BANK1: variants seen among roughly 807,000 people sequenced by gnomAD.
BANK1 encodes B cell scaffold protein with ankyrin repeats 1.
Under a neutral mutation model 94.5 loss-of-function variants are expected in BANK1, and 95 were observed. The observed-to-expected ratio is 1.00, with a 90% CI of 0.85 to 1.19. The LOEUF is 1.19. BANK1 is among the 50% of genes most tolerant of loss of function. The pLI, the probability that BANK1 is intolerant of heterozygous loss-of-function variation, is 0.00. For synonymous variants in BANK1, 334 were observed against 308.4 expected, an observed-to-expected ratio of 1.08 and a Z score of -0.87; for missense variants, 987 against 932.2, an observed-to-expected ratio of 1.06 and a Z score of -0.77.
At chr4:101,938,351 A>G (rs72686766) in intron 7 of BANK1, among the ~76,000 whole-genome samples, 7,209 of 151,796 alleles carry the variant, frequency 0.047, 228 homozygotes, top group Non-Finnish European at 0.072. Context: ...GTAAAAAGAT[A>G]TAGTTAAACA....
At chr4:101,833,050 G>A (rs1210877789) in intron 2 of BANK1, among the ~76,000 whole-genome samples, 1 of 151,930 alleles carries the variant, frequency 6.6e-6, no homozygotes, top group African/African-American at 2.4e-5. Flanking sequence ...CACAATCTCA[G>A]CTCACTGCAA....
chr4:101,820,484 T>C (rs1256476882), intron 1 of BANK1, among the ~76,000 whole-genome samples: 38 of 152,152 alleles, frequency 2.5e-4, no homozygotes, highest in Non-Finnish European at 3.5e-4. Context: ...TAAAAACTTT[T>C]ATTTTAGTTT....
At chr4:101,916,860 A>G (rs2148899692) in intron 6 of BANK1, among the ~76,000 whole-genome samples, 1 of 152,154 alleles carries the variant, frequency 6.6e-6, no homozygotes. Flanking sequence ...ACACCTTGGT[A>G]ATAAAAACAG....
intron 4 of BANK1, among the ~76,000 whole-genome samples, chr4:101,869,916 G>A (rs1054034296): frequency 2.0e-5 from 3 of 151,850 alleles, no homozygotes; most frequent in Non-Finnish European, 4.4e-5. Context: ...ACAATGTAGT[G>A]TATCATTCAT....
chr4:102,038,233 C>T (rs1393293178), intron 10 of BANK1, among the ~76,000 whole-genome samples: 3 of 152,050 alleles, frequency 2.0e-5, no homozygotes, highest in African/African-American at 7.2e-5. Flanking sequence ...AAATCATGAT[C>T]CCAATGCTAC....
chr4:102,060,188 T>C (rs1466795655), intron 11 of BANK1, 23 bp from the exon 12 acceptor site: 8 of 1,538,862 alleles, frequency 5.2e-6, no homozygotes, highest in South Asian at 1.3e-5. Flanking sequence ...TTTCTGTTAA[T>C]GCACCCTCCC....
chr4:101,826,406 A>T (rs1022734849), intron 1 of BANK1, among the ~76,000 whole-genome samples: 2 of 152,054 alleles, frequency 1.3e-5, no homozygotes, highest in African/African-American at 4.8e-5. Context: ...TACTTACTTA[A>T]GAGTGTAATT....
chr4:101,871,236 T>C (rs1044502048), intron 5 of BANK1, among the ~76,000 whole-genome samples: 6 of 152,134 alleles, frequency 3.9e-5, no homozygotes, highest in African/African-American at 1.4e-4. Flanking sequence ...CAGAGTGAAA[T>C]GCCATTTCTA....
intron 1 of BANK1, among the ~76,000 whole-genome samples, chr4:101,803,706 T>C (rs1230660191): frequency 6.6e-6 from 1 of 151,912 alleles, no homozygotes; most frequent in Non-Finnish European, 1.5e-5. Context: ...AGCCTAGAAA[T>C]ATATAAAAAG....
chr4:101,853,375 A>G (rs917994742), intron 2 of BANK1, among the ~76,000 whole-genome samples: 2 of 152,174 alleles, frequency 1.3e-5, no homozygotes, highest in Non-Finnish European at 2.9e-5. Flanking sequence ...AGTGAGACCA[A>G]TATTCTAACT....
At chr4:101,865,545 A>G (rs1391679419) in intron 4 of BANK1, among the ~76,000 whole-genome samples, 6 of 151,966 alleles carry the variant, frequency 3.9e-5, no homozygotes, top group African/African-American at 1.5e-4. Context: ...AGAAGAAAAC[A>G]CCTCACCAGA....
chr4:101,929,990 C>G (rs544645120), intron 7 of BANK1, among the ~76,000 whole-genome samples: 3 of 151,354 alleles, frequency 2.0e-5, no homozygotes, highest in African/African-American at 7.2e-5. Context: ...ATCTTCATAA[C>G]ACTTCTAATC....
intron 4 of BANK1, among the ~76,000 whole-genome samples, chr4:101,866,190 A>G (rs1449069454): frequency 6.6e-6 from 1 of 152,166 alleles, no homozygotes; most frequent in Non-Finnish European, 1.5e-5. Flanking sequence ...AGAAATCAAA[A>G]CCACCGTATC....
chr4:101,858,456 C>T (rs148376258), intron 3 of BANK1, among the ~76,000 whole-genome samples: 2 of 152,272 alleles, frequency 1.3e-5, no homozygotes, highest in East Asian at 1.9e-4. Flanking sequence ...TCCTATAGAA[C>T]AATTAGGAGT....
At chr4:101,968,051 T>C (rs1724822372) in intron 7 of BANK1, among the ~76,000 whole-genome samples, 1 of 151,760 alleles carries the variant, frequency 6.6e-6, no homozygotes, top group Non-Finnish European at 1.5e-5. Flanking sequence ...GGGAAGAAAA[T>C]GTGCACAGAA....
chr4:101,901,763 G>T (rs62688361), intron 6 of BANK1, among the ~76,000 whole-genome samples: 876 of 7,454 alleles, frequency 0.12, 13 homozygotes, highest in East Asian at 0.28. Context: ...TTGTTTTTTT[G>T]TTTTTGTTTT....
intron 7 of BANK1, among the ~76,000 whole-genome samples, chr4:102,004,934 G>A (rs1231633990): frequency 2.0e-5 from 3 of 152,012 alleles, no homozygotes; most frequent in Admixed American, 6.6e-5. Context: ...GTAATATTCA[G>A]CAGATCCTTG....
At position 101,950,706 on chromosome 4, in the gene BANK1, G is replaced by T. The variant is rs546731646; in HGVS notation, c.1206+32517G>T. ...TCAAAGAGTAAAGTTTGAAGGGAGTGGTGGAGACCACCTTCACAGTGGAAA... is the reference window on the plus strand; with the variant it reads ...TCAAAGAGTAAAGTTTGAAGGGAGTTGTGGAGACCACCTTCACAGTGGAAA... On this transcript the variant is annotated intron_variant, in intron 7 of 16. Transcript: ENST00000322953. Among the ~76,000 whole-genome samples the T allele has an allele frequency of 3.9e-4, 59 of 152,288 alleles. No homozygotes were observed. The South Asian group carries it at 0.012, about 31-fold the overall frequency.
intron 5 of BANK1, among the ~76,000 whole-genome samples, chr4:101,882,773 T>A (rs1021400480): frequency 6.6e-5 from 10 of 152,190 alleles, no homozygotes; most frequent in African/African-American, 2.2e-4. Context: ...GCCAAAAAAA[T>A]TCTTAGATTG....
Sources: allele counts gnomAD v4.1 joint callset (sites outside exome capture counted in the v4.1 genomes callset), GRCh38; gene constraint gnomAD v4.1.1; transcripts MANE v1.5; gene names NCBI Gene and HGNC (gene_info 2026-07-23, HGNC 2026-07-21).